The following PCDH15 variants were observed in gnomAD, a reference collection of about 807,000 sequenced individuals.
PCDH15 encodes the protein protocadherin-15.
In PCDH15, 129 loss-of-function variants were observed where a neutral mutation model predicts 178.5. The observed-to-expected ratio is 0.72, with a 90% CI of 0.63 to 0.84. The LOEUF is 0.84. Ranked by LOEUF, PCDH15 falls within the 40% of genes least tolerant of loss-of-function variation. PCDH15 has a pLI of 0.00. For missense variants in PCDH15, 2,230 were observed against 2,099.9 expected (o/e 1.06, Z -1.21); for synonymous variants, 800 against 732.0 (o/e 1.09, Z -1.50).
At chr10:54,921,930 A>C (rs1837500674) in intron 2 of PCDH15, among the ~76,000 whole-genome samples, 1 of 152,152 alleles carries the variant, frequency 6.6e-6, no homozygotes, top group Non-Finnish European at 1.5e-5. Context: ...AGCAGAAGAG[A>C]AAGGGAGTGA....
At chr10:54,704,832 C>G (rs893040126) in intron 1 of PCDH15, among the ~76,000 whole-genome samples, 2 of 152,072 alleles carry the variant, frequency 1.3e-5, no homozygotes, top group African/African-American at 2.4e-5. Flanking sequence ...TGAGCACATT[C>G]CCAAAGAAAT....
At chr10:55,569,623 G>A (rs1454522205) in intron 2 of PCDH15, among the ~76,000 whole-genome samples, 1 of 151,078 alleles carries the variant, frequency 6.6e-6, no homozygotes, top group Non-Finnish European at 1.5e-5. Flanking sequence ...ACATCATGAT[G>A]AGAATATCTT....
chr10:54,165,762 C>G (rs1045938088), intron 13 of PCDH15, among the ~76,000 whole-genome samples: 2 of 152,188 alleles, frequency 1.3e-5, no homozygotes, highest in African/African-American at 4.8e-5. Context: ...AACTACTCTA[C>G]ATGCAAGGTA....
In PCDH15 at chr10:53,806,835, T is replaced by TTTGA; in HGVS notation, c.4963_4966dup (p.Lys1656IlefsTer8). On this transcript the variant is annotated frameshift_variant, in exon 38 of 38. Coordinates refer to ENST00000644397, the MANE Select transcript of PCDH15 (RefSeq NM_001384140.1). LOFTEE classifies it high-confidence loss of function. ...CATTTTTTCAGTAGAAAATGGCCCC[T>TTTGA]TTGATAATGTGTTCAGAGGTACATT... 1.2e-6 allele frequency: 2 copies of TTTGA among 1,613,936 alleles called. No homozygotes were observed. Among genetic ancestry groups the TTTGA allele is most frequent in the Non-Finnish European group, 1.7e-6 (2 of 1,179,838 alleles).
chr10:55,056,991 A>G (rs1841323588), intron 2 of PCDH15, among the ~76,000 whole-genome samples: 1 of 152,170 alleles, frequency 6.6e-6, no homozygotes, highest in East Asian at 1.9e-4. Context: ...ATTATTGTTC[A>G]GCATAGCATC....
chr10:54,556,167 T>G (rs1167998197), intron 2 of PCDH15, among the ~76,000 whole-genome samples: 1 of 152,196 alleles, frequency 6.6e-6, no homozygotes, highest in Non-Finnish European at 1.5e-5. Flanking sequence ...TATTTTAATT[T>G]CCATGCTACC....
At chr10:54,520,891 A>T (rs570260295) in intron 3 of PCDH15, among the ~76,000 whole-genome samples, 2,989 of 152,004 alleles carry the variant, frequency 0.02, 96 homozygotes, top group African/African-American at 0.068. Context: ...GCCATAAAAA[A>T]TGATGAGTTC....
At chr10:54,027,905 C>G (rs1368170270) in intron 18 of PCDH15, among the ~76,000 whole-genome samples, 1 of 149,652 alleles carries the variant, frequency 6.7e-6, no homozygotes, top group African/African-American at 2.5e-5. Context: ...TCTAAAACAC[C>G]AAAAGCAATG....
chr10:54,818,066 C>A (rs929867454), intron 3 of PCDH15, among the ~76,000 whole-genome samples: 1 of 151,898 alleles, frequency 6.6e-6, no homozygotes, highest in Non-Finnish European at 1.5e-5. Context: ...TATTAAAATC[C>A]ATAATTCACA....
At chr10:55,514,929 G>A (rs1351318498) in intron 2 of PCDH15, among the ~76,000 whole-genome samples, 1 of 151,264 alleles carries the variant, frequency 6.6e-6, no homozygotes, top group African/African-American at 2.4e-5. Flanking sequence ...AGCAGGAGAA[G>A]GTCAGAGAAA....
intron 2 of PCDH15, among the ~76,000 whole-genome samples, chr10:54,612,538 A>G (rs1354457560): frequency 6.6e-6 from 1 of 151,896 alleles, no homozygotes; most frequent in Non-Finnish European, 1.5e-5. Flanking sequence ...TAGAGATATA[A>G]CCAGCAAAGT....
chr10:55,049,362 C>A (rs1322950665), intron 2 of PCDH15, among the ~76,000 whole-genome samples: 4 of 151,718 alleles, frequency 2.6e-5, no homozygotes, highest in African/African-American at 7.3e-5. Flanking sequence ...AACATGAAAG[C>A]TCAAATATTT....
chr10:55,589,249 G>A (rs1353192976), intron 2 of PCDH15, among the ~76,000 whole-genome samples: 3 of 151,974 alleles, frequency 2.0e-5, no homozygotes, highest in Admixed American at 2.0e-4. Context: ...GTAAGGAAGG[G>A]ATCCAGTTTC....
At chr10:54,525,929 G>T (rs895095472) in intron 3 of PCDH15, among the ~76,000 whole-genome samples, 1 of 152,160 alleles carries the variant, frequency 6.6e-6, no homozygotes, top group South Asian at 2.1e-4. Context: ...ATGCAAAAGA[G>T]AAATGCAAAA....
intron 1 of PCDH15, among the ~76,000 whole-genome samples, chr10:54,676,365 T>C (rs897412576): frequency 9.9e-5 from 15 of 152,194 alleles, no homozygotes; most frequent in African/African-American, 3.4e-4. Context: ...AGTATACTAA[T>C]ATTGGCAAAG....
chr10:54,842,142 C>T (rs1012833714), intron 3 of PCDH15, among the ~76,000 whole-genome samples: 1 of 150,950 alleles, frequency 6.6e-6, no homozygotes, highest in African/African-American at 2.4e-5. Context: ...TCAAATCTGT[C>T]AAGCTACTGA....
At chr10:55,542,520 G>T (rs186272752) in intron 2 of PCDH15, among the ~76,000 whole-genome samples, 1 of 150,310 alleles carries the variant, frequency 6.7e-6, no homozygotes, top group East Asian at 2.0e-4. Context: ...ATGTATATAT[G>T]TACACATGTA....
intron 3 of PCDH15, among the ~76,000 whole-genome samples, chr10:54,516,866 C>A (rs1281909692): frequency 1.3e-5 from 2 of 152,186 alleles, no homozygotes; most frequent in African/African-American, 4.8e-5. Context: ...GATCTCTCGG[C>A]AGAAACTCTA....
chr10:55,505,666 AC>A (rs1049013606), intron 2 of PCDH15, among the ~76,000 whole-genome samples: 35 of 151,634 alleles, frequency 2.3e-4, no homozygotes, highest in African/African-American at 7.2e-4. Flanking sequence ...CATTCATTCA[AC>A]AAACATGTAT....
Sources: allele counts gnomAD v4.1 joint callset (sites outside exome capture counted in the v4.1 genomes callset), GRCh38; gene constraint gnomAD v4.1.1; transcripts MANE v1.5; gene names NCBI Gene and HGNC (gene_info 2026-07-23, HGNC 2026-07-21).